The following EMP2 variants were observed in gnomAD, a reference collection of about 807,000 sequenced individuals.
EMP2 encodes epithelial membrane protein 2.
EMP2 carries 19 observed loss-of-function variants against 13.7 expected under a neutral mutation model. That is an observed-to-expected ratio of 1.38 (90% confidence interval 0.97 to 2.03). The LOEUF is 2.03. Ranked by LOEUF, EMP2 falls within the 30% of genes most tolerant of loss-of-function variation. The pLI is 0.00. For missense variants in EMP2, 253 were observed against 220.7 expected, an observed-to-expected ratio of 1.15 and a Z score of -0.93; for synonymous variants, 97 against 84.7, an observed-to-expected ratio of 1.15 and a Z score of -0.80.
At chr16:10,540,962 C>T (rs1235677248) in intron 3 of EMP2, among the ~76,000 whole-genome samples, 1 of 152,114 alleles carries the variant, frequency 6.6e-6, no homozygotes, top group African/African-American at 2.4e-5. Flanking sequence ...GTGGCACACA[C>T]CCATAATCCC....
Position 10,537,921 on chromosome 16 carries a change from T to C in EMP2, c.316+7A>G, listed in dbSNP as rs1455824308. On this transcript the variant is annotated splice_region_variant and intron_variant, in intron 4 of 4. Coordinates refer to ENST00000359543, the MANE Select transcript of EMP2 (RefSeq NM_001424.6). ...CCCTTGTTAGGGAAGCCCGTTGATG[T>C]ACTTACATGACATTAGCTGGATGAT... 1.9e-6 allele frequency: 3 copies of C among 1,612,980 alleles called. No individual in the cohort carries two copies. Among genetic ancestry groups the C allele is most frequent in the African/African-American group, 1.3e-5 (1 of 74,890 alleles).
chr16:10,565,526 T>C (rs888165200), intron 1 of EMP2, among the ~76,000 whole-genome samples: 1 of 152,236 alleles, frequency 6.6e-6, no homozygotes, highest in African/African-American at 2.4e-5. Context: ...CCAGCCTCCA[T>C]AATCCCATGA....
chr16:10,552,586 T>C (rs2050796588), intron 1 of EMP2, among the ~76,000 whole-genome samples: 1 of 152,230 alleles, frequency 6.6e-6, no homozygotes, highest in Non-Finnish European at 1.5e-5. Context: ...AATGTATTTG[T>C]AGCTAGAATT....
rs759435838 is a variant in EMP2, at chr16:10,547,557, T to C, written c.61A>G (p.Ile21Val). The C allele has an allele frequency of 9.3e-6, 15 of 1,613,876 alleles. No individual in the cohort carries two copies. The East Asian group carries it at 2.7e-4, about 29-fold the overall frequency. ...FHITSAALLF[I>V]ATVDNAWWVG... The stretch of plus-strand genomic sequence containing the variant: ...AAACTTACATTGTCGACGGTGGCAA[T>C]GAACAGCAAGGCTGCAGAGGTGATG... Residue 21 changes from isoleucine (I) to valine (V), a missense_variant, in exon 2 of 5, where the codon ATT becomes GTT. By Grantham distance (29) the Ile-to-Val change is conservative. Transcript: ENST00000359543.
chr16:10,547,522 G>A lies in EMP2; in HGVS notation c.78+18C>T, dbSNP rs2050748740. 2 of 1,613,294 alleles carry A rather than the reference G, an allele frequency of 1.2e-6. No homozygotes were observed. Among genetic ancestry groups the A allele is most frequent in the African/African-American group, 2.7e-5 (2 of 74,900 alleles). On this transcript the variant is annotated intron_variant, in intron 2 of 4. Transcript: ENST00000359543. ...CAGGACCCAGGTTTCTGCGTGAGTG[G>A]CAGGAAAGGAAACTTACATTGTCGA...
intron 4 of EMP2, 29 bp downstream of exon 4, chr16:10,537,899 T>C (rs2050661381): frequency 1.2e-6 from 2 of 1,607,714 alleles, no homozygotes; most frequent in African/African-American, 1.3e-5. Flanking sequence ...AGAAAGCCCC[T>C]TGTTAGGGAA....
At chr16:10,542,608 T>C (rs1445512213) in intron 3 of EMP2, among the ~76,000 whole-genome samples, 1 of 152,240 alleles carries the variant, frequency 6.6e-6, no homozygotes, top group African/African-American at 2.4e-5. Flanking sequence ...CCAAAGTATC[T>C]ATTTCATCAG....
intron 1 of EMP2, among the ~76,000 whole-genome samples, chr16:10,552,550 A>G (rs997275874): frequency 7.2e-5 from 11 of 152,214 alleles, no homozygotes; most frequent in African/African-American, 2.7e-4. Flanking sequence ...CTTTTTGACA[A>G]AAAGAGAAAA....
chr16:10,547,459 C>A, intron 2 of EMP2, 81 bp downstream of exon 2: 1 of 1,445,824 alleles, frequency 6.9e-7, no homozygotes, highest in South Asian at 1.2e-5. Flanking sequence ...TTATCAGCAG[C>A]ATGAGAACAG....
intron 4 of EMP2, among the ~76,000 whole-genome samples, chr16:10,536,977 C>T (rs1596368212): frequency 6.6e-6 from 1 of 152,118 alleles, no homozygotes; most frequent in Non-Finnish European, 1.5e-5. Flanking sequence ...ACTGATGACA[C>T]ATCTCAGGGT....
At chr16:10,533,727 C>T (rs964454911) in intron 4 of EMP2, among the ~76,000 whole-genome samples, 2 of 152,130 alleles carry the variant, frequency 1.3e-5, no homozygotes, top group African/African-American at 4.8e-5. Flanking sequence ...GTTTGCCAAC[C>T]TTCTTCTTGG....
intron 1 of EMP2, among the ~76,000 whole-genome samples, chr16:10,560,483 A>T (rs1163552799): frequency 6.6e-6 from 1 of 152,188 alleles, no homozygotes; most frequent in Non-Finnish European, 1.5e-5. Context: ...CAGGGCTCTA[A>T]TCCCAGGCTT....
At chr16:10,548,230 C>A (rs565423152) in intron 1 of EMP2, among the ~76,000 whole-genome samples, 2 of 152,236 alleles carry the variant, frequency 1.3e-5, no homozygotes, top group East Asian at 3.9e-4. Context: ...AAAAGCATCA[C>A]GTCTCTTGGG....
At chr16:10,548,938 C>A (rs2050760909) in intron 1 of EMP2, among the ~76,000 whole-genome samples, 1 of 152,124 alleles carries the variant, frequency 6.6e-6, no homozygotes, top group Admixed American at 6.6e-5. Flanking sequence ...ATGGCCATTT[C>A]CAGGCTGATG....
chr16:10,578,900 G>A (rs565737896), intron 1 of EMP2, among the ~76,000 whole-genome samples: 1 of 152,324 alleles, frequency 6.6e-6, no homozygotes, highest in South Asian at 2.1e-4. Flanking sequence ...GGGCATCCAC[G>A]CCCTGTTTTC....
At chr16:10,571,651 C>T (rs1378578721) in intron 1 of EMP2, among the ~76,000 whole-genome samples, 1 of 152,138 alleles carries the variant, frequency 6.6e-6, no homozygotes, top group Non-Finnish European at 1.5e-5. Flanking sequence ...CTTCTGGATA[C>T]GTATGGGAAA....
intron 1 of EMP2, among the ~76,000 whole-genome samples, chr16:10,579,644 G>C (rs984554107): frequency 2.6e-5 from 4 of 151,692 alleles, no homozygotes; most frequent in African/African-American, 9.7e-5. Flanking sequence ...TATTTGAACT[G>C]GAGGCTTCTT....
chr16:10,539,560 G>A (rs952722962), intron 3 of EMP2, among the ~76,000 whole-genome samples: 5 of 152,158 alleles, frequency 3.3e-5, no homozygotes, highest in Non-Finnish European at 7.3e-5. Context: ...GGTAGCAACT[G>A]TGTGGAAGGG....
rs2050600974 is a variant in EMP2 at position 10,531,383 on chromosome 16, A to C, written c.*1522T>G. 1 of 152,354 alleles carries C rather than the reference A, an allele frequency of 6.6e-6. No homozygotes were observed. Among genetic ancestry groups the C allele is most frequent in the Non-Finnish European group, 1.5e-5 (1 of 68,708 alleles). 9.4% of individuals were successfully genotyped at this position (152,354 alleles called of 1,614,324 possible). On this transcript the variant is annotated 3_prime_UTR_variant, in exon 5 of 5. Transcript: ENST00000359543. Reference sequence around the variant, plus strand: ...AGTCTCACTCTGTCACCCAGGCTGGAGTGCAGTGGCACGGTCTCGGCTCAC... The same window carrying C: ...AGTCTCACTCTGTCACCCAGGCTGGCGTGCAGTGGCACGGTCTCGGCTCAC...
Sources: gnomAD v4.1 joint callset for allele counts (sites outside exome capture counted in the v4.1 genomes callset) on GRCh38, gnomAD v4.1.1 for gene constraint, MANE v1.5 for transcripts, NCBI Gene and HGNC (gene_info 2026-07-23, HGNC 2026-07-21) for gene names.